The following MTMR7 variants were observed in gnomAD, a reference collection of about 807,000 sequenced individuals.
MTMR7 encodes the protein myotubularin related protein 7.
A neutral mutation model predicts 81.2 loss-of-function variants in MTMR7; 76 were observed. The ratio of observed to expected loss-of-function variants is 0.94; its 90% CI spans 0.78 to 1.13. The LOEUF (loss-of-function observed/expected upper bound fraction) is 1.13. Ranked by LOEUF, MTMR7 falls within the 50% of genes most tolerant of loss-of-function variation. The pLI is 0.00. For missense variants in MTMR7, 1,044 were observed against 820.0 expected (o/e 1.27, Z -3.34); for synonymous variants, 372 against 289.8 (o/e 1.28, Z -2.88).
chr8:17,343,138 ATTAG>A (rs1403278332), intron 5 of MTMR7, among the ~76,000 whole-genome samples: 5 of 152,174 alleles, frequency 3.3e-5, no homozygotes, highest in African/African-American at 7.2e-5. Context: ...TTAAAGAAAT[ATTAG>A]TTAGCCCAGT....
At chr8:17,322,042 G>A (rs1236939405) in intron 7 of MTMR7, among the ~76,000 whole-genome samples, 2 of 152,122 alleles carry the variant, frequency 1.3e-5, no homozygotes, top group Admixed American at 6.5e-5. Flanking sequence ...TTTGAACCCT[G>A]TGGGGTTGGT....
chr8:17,356,583 G>T (rs775069721), intron 4 of MTMR7, among the ~76,000 whole-genome samples: 7 of 151,924 alleles, frequency 4.6e-5, no homozygotes, highest in Non-Finnish European at 1.0e-4. Flanking sequence ...TTGTGGTGGT[G>T]GGTGTCTGTA....
rs1491548600 is a variant in MTMR7 at position 17,297,866 on chromosome 8, A to ATGTT, written c.*1992_*1995dup. 1 of 152,080 alleles carries ATGTT rather than the reference A, an allele frequency of 6.6e-6. No homozygotes were observed. The highest frequency in any genetic ancestry group is 2.4e-5 in the African/African-American group (1 of 41,448). The allele number at this position is 152,080 out of a possible 1,614,324, so 9.4% of individuals were successfully genotyped here. A position where few individuals can be genotyped will look rare whatever the true frequency, so the allele number is the denominator to read the frequency against. On this transcript the variant is annotated 3_prime_UTR_variant, in exon 14 of 14. Coordinates refer to ENST00000180173, the MANE Select transcript of MTMR7 (RefSeq NM_004686.5). ...GTTAACTTCTAATAAGCAGACGAAC[A>ATGTT]TGTTACATAAATTATAATGTCTGTC...
At chr8:17,340,443 C>T (rs533820555) in intron 6 of MTMR7, among the ~76,000 whole-genome samples, 3 of 152,270 alleles carry the variant, frequency 2.0e-5, no homozygotes, top group South Asian at 4.1e-4. Flanking sequence ...GACTAAGGGA[C>T]GTTTCATTCT....
intron 7 of MTMR7, among the ~76,000 whole-genome samples, chr8:17,319,838 C>T (rs73666112): frequency 9.5e-4 from 144 of 152,140 alleles, no homozygotes; most frequent in African/African-American, 3.4e-3. Flanking sequence ...TCAGCAGGAA[C>T]CAATCTTGGT....
At chr8:17,396,159 A>T (rs910717964) in intron 1 of MTMR7, among the ~76,000 whole-genome samples, 3 of 152,010 alleles carry the variant, frequency 2.0e-5, no homozygotes, top group African/African-American at 2.4e-5. Context: ...AACTATGGGG[A>T]TGGAAAGAGA....
intron 12 of MTMR7, among the ~76,000 whole-genome samples, chr8:17,303,457 G>T (rs917344632): frequency 6.6e-6 from 1 of 152,146 alleles, no homozygotes; most frequent in African/African-American, 2.4e-5. Context: ...TGTTTATTCT[G>T]CATGAGTCTT....
chr8:17,366,153 G>C (rs1302239491), intron 3 of MTMR7, among the ~76,000 whole-genome samples: 3 of 152,098 alleles, frequency 2.0e-5, no homozygotes, highest in Admixed American at 1.3e-4. Flanking sequence ...TGAATAAATG[G>C]GGCTGCATCC....
chr8:17,309,164 A>G (rs1249627439), intron 10 of MTMR7, 113 bp downstream of exon 10: 3 of 713,896 alleles, frequency 4.2e-6, no homozygotes, highest in South Asian at 3.4e-5. Flanking sequence ...AGCTTTCTGA[A>G]TAAGAGACAC....
At chr8:17,408,339 A>G (rs1430726308) in intron 1 of MTMR7, among the ~76,000 whole-genome samples, 2 of 56,248 alleles carry the variant, frequency 3.6e-5, no homozygotes, top group Non-Finnish European at 5.6e-5. Flanking sequence ...CAGTGAGCCG[A>G]GATTGCGCCA....
At chr8:17,346,811 T>C (rs1248787765) in intron 5 of MTMR7, among the ~76,000 whole-genome samples, 3 of 135,920 alleles carry the variant, frequency 2.2e-5, no homozygotes, top group East Asian at 4.2e-4. Context: ...AAAAAAAAAA[T>C]GTGCATGTTA....
chr8:17,390,495 C>T (rs1470327033), intron 1 of MTMR7, among the ~76,000 whole-genome samples: 1 of 152,142 alleles, frequency 6.6e-6, no homozygotes, highest in Non-Finnish European at 1.5e-5. Context: ...TATGGTGGAA[C>T]TGTATCACCA....
At chr8:17,320,503 A>C (rs1158483943) in intron 7 of MTMR7, among the ~76,000 whole-genome samples, 2 of 152,270 alleles carry the variant, frequency 1.3e-5, no homozygotes, top group African/African-American at 4.8e-5. Flanking sequence ...GAGGCAGGTC[A>C]TGTAATCGTA....
At chr8:17,316,495 C>G (rs1315356174) in intron 7 of MTMR7, among the ~76,000 whole-genome samples, 1 of 150,960 alleles carries the variant, frequency 6.6e-6, no homozygotes, top group Admixed American at 6.6e-5. Context: ...CTACAGTCTC[C>G]TTGTGGAAAG....
rs773263337 is a variant in MTMR7, at chr8:17,375,861, G to C, written c.25-2621C>G. On this transcript the variant is annotated intron_variant, in intron 1 of 13. Coordinates refer to ENST00000180173, the MANE Select transcript of MTMR7 (RefSeq NM_004686.5). ...AACTATAAATAGCATGGAGACTACA[G>C]TCACTCTTGCATTGTTTTTCCTTTG... is the stretch of plus-strand genomic sequence containing the variant. 2.2e-4 allele frequency among the ~76,000 whole-genome samples: 33 copies of C among 152,106 alleles called. 1 individual carries two copies. The highest frequency in any genetic ancestry group is 1.0e-4 in the Non-Finnish European group (7 of 68,010).
At chr8:17,361,532 T>C (rs1050222722) in intron 3 of MTMR7, among the ~76,000 whole-genome samples, 8 of 152,232 alleles carry the variant, frequency 5.3e-5, no homozygotes, top group African/African-American at 1.9e-4. Flanking sequence ...ATCTCCATTT[T>C]GTGCTTTTTT....
intron 1 of MTMR7, among the ~76,000 whole-genome samples, chr8:17,393,811 G>A (rs1321672656): frequency 6.6e-6 from 1 of 152,170 alleles, no homozygotes; most frequent in Non-Finnish European, 1.5e-5. Flanking sequence ...GTTTATTAAT[G>A]TAACAAACCT....
Position 17,297,959 on chromosome 8 carries a change from C to A in MTMR7, c.*1903G>T, listed in dbSNP as rs1207226359. ...TGGAAGTTGTCATATTAAAAAACTA[C>A]ATTTTAAAACATCAAATATTTATAC... On this transcript the variant is annotated 3_prime_UTR_variant, in exon 14 of 14. Transcript: ENST00000180173. 1 of 152,016 alleles carries A rather than the reference C, an allele frequency of 6.6e-6. No individual in the cohort carries two copies. The highest frequency in any genetic ancestry group is 1.5e-5 in the Non-Finnish European group (1 of 67,902). 9.4% of individuals were successfully genotyped at this position (152,016 alleles called of 1,614,324 possible).
intron 1 of MTMR7, among the ~76,000 whole-genome samples, chr8:17,403,153 C>T (rs1177891828): frequency 3.9e-5 from 6 of 152,088 alleles, no homozygotes; most frequent in Admixed American, 3.3e-4. Flanking sequence ...TTATTACTCC[C>T]TTGTCAGATG....
Sources: gnomAD v4.1 joint callset for allele counts (sites outside exome capture counted in the v4.1 genomes callset) on GRCh38, gnomAD v4.1.1 for gene constraint, MANE v1.5 for transcripts, NCBI Gene and HGNC (gene_info 2026-07-23, HGNC 2026-07-21) for gene names.